The following LINGO2 variants were observed in gnomAD, a reference collection of about 807,000 sequenced individuals.
The protein encoded by LINGO2 is leucine-rich repeat and immunoglobulin-like domain-containing nogo receptor-interacting protein 2.
In LINGO2, 14 loss-of-function variants were observed where a neutral mutation model predicts 30.6. That is an observed-to-expected ratio of 0.46 (90% confidence interval 0.30 to 0.72). The LOEUF is 0.72. LINGO2 is among the 30% of genes least tolerant of loss of function. The probability of loss-of-function intolerance (pLI) is 0.07; values close to 1 mark genes in which losing one functional copy is unlikely to be tolerated. For synonymous variants in LINGO2, 317 were observed against 288.5 expected, an observed-to-expected ratio of 1.10 and a Z score of -1.00; for missense variants, 729 against 751.7, an observed-to-expected ratio of 0.97 and a Z score of 0.35.
At chr9:28,321,637 T>G (rs7860817) in intron 3 of LINGO2, among the ~76,000 whole-genome samples, 52,457 of 152,040 alleles carry the variant, frequency 0.35, 10,056 homozygotes, top group Non-Finnish European at 0.45. Context: ...AGCAGAGAAG[T>G]GCTATAATAG....
chr9:28,207,890 T>C (rs1024492628), intron 4 of LINGO2, among the ~76,000 whole-genome samples: 2 of 152,120 alleles, frequency 1.3e-5, no homozygotes, highest in African/African-American at 4.8e-5. Flanking sequence ...TTAAATGTTT[T>C]GCATGAAACT....
At chr9:28,733,252 TC>T in the LINGO2 span, among the ~76,000 whole-genome samples, 1 of 152,066 alleles carries the variant, frequency 6.6e-6, no homozygotes, top group Non-Finnish European at 1.5e-5. Flanking sequence ...AATTGACTAT[TC>T]CCAGCATTAT....
At chr9:28,425,864 G>T (rs1256768592) in intron 2 of LINGO2, among the ~76,000 whole-genome samples, 3 of 151,966 alleles carry the variant, frequency 2.0e-5, no homozygotes, top group African/African-American at 7.2e-5. Context: ...TTTTGAGTTT[G>T]ACTATATTTT....
chr9:28,966,992 C>A, the LINGO2 span, among the ~76,000 whole-genome samples: 1 of 152,036 alleles, frequency 6.6e-6, no homozygotes, highest in Non-Finnish European at 1.5e-5. Context: ...TGCTTATGAT[C>A]ATAATTACTC....
intron 3 of LINGO2, among the ~76,000 whole-genome samples, chr9:28,332,420 C>G (rs578197302): frequency 6.6e-6 from 1 of 152,180 alleles, no homozygotes; most frequent in Non-Finnish European, 1.5e-5. Context: ...GAAGTGAAAA[C>G]AGTAATGTAC....
the LINGO2 span, among the ~76,000 whole-genome samples, chr9:29,067,808 G>C: frequency 6.9e-6 from 1 of 145,586 alleles, no homozygotes; most frequent in Non-Finnish European, 1.5e-5. Flanking sequence ...AAGAAACAAA[G>C]GTCACATTGG....
intron 1 of LINGO2, among the ~76,000 whole-genome samples, chr9:28,592,870 G>C (rs1397461472): frequency 6.6e-6 from 1 of 152,028 alleles, no homozygotes; most frequent in Admixed American, 6.6e-5. Flanking sequence ...GATATCTTCT[G>C]TAGCCCTCTT....
At chr9:28,456,698 A>G (rs767030088) in intron 2 of LINGO2, among the ~76,000 whole-genome samples, 2 of 152,110 alleles carry the variant, frequency 1.3e-5, no homozygotes, top group Non-Finnish European at 2.9e-5. Flanking sequence ...TCTGACACGC[A>G]TGACACAAAC....
At chr9:28,489,943 G>T (rs1481939770) in intron 1 of LINGO2, among the ~76,000 whole-genome samples, 1 of 148,694 alleles carries the variant, frequency 6.7e-6, no homozygotes, top group Non-Finnish European at 1.5e-5. Flanking sequence ...AAGGCATATA[G>T]GTATGATTTA....
chr9:28,205,116 T>C (rs771040858), intron 4 of LINGO2, among the ~76,000 whole-genome samples: 3 of 152,224 alleles, frequency 2.0e-5, no homozygotes, highest in Non-Finnish European at 4.4e-5. Context: ...ATATGGAAAT[T>C]ATCAGGACCC....
the LINGO2 span, among the ~76,000 whole-genome samples, chr9:29,021,618 C>T: frequency 6.7e-6 from 1 of 149,998 alleles, no homozygotes; most frequent in African/African-American, 2.5e-5. Flanking sequence ...AATCGCTCCA[C>T]TGCACTCCAG....
At chr9:28,555,255 C>G (rs1217186787) in intron 1 of LINGO2, among the ~76,000 whole-genome samples, 1 of 141,790 alleles carries the variant, frequency 7.1e-6, no homozygotes, top group East Asian at 2.0e-4. Context: ...GCTAGCAAGA[C>G]TAATAGAGAA....
intron 4 of LINGO2, among the ~76,000 whole-genome samples, chr9:28,225,349 A>G (rs1821110591): frequency 6.6e-6 from 1 of 152,154 alleles, no homozygotes; most frequent in Non-Finnish European, 1.5e-5. Context: ...TATTTAAAGA[A>G]TATTTACAAA....
chr9:29,206,652 C>T, the LINGO2 span, among the ~76,000 whole-genome samples: 1 of 152,028 alleles, frequency 6.6e-6, no homozygotes, highest in Non-Finnish European at 1.5e-5. Context: ...TTTTGTATAG[C>T]CTTGGGAACA....
intron 4 of LINGO2, among the ~76,000 whole-genome samples, chr9:28,189,609 AAGGGAGGG>A (rs796099980): frequency 9.8e-4 from 3 of 3,064 alleles, no homozygotes; most frequent in Admixed American, 4.3e-3. Context: ...GGGAGGAAGG[AAGGGAGGG>A]AGGGAGGAAG....
At chr9:28,311,511 T>C (rs1824618982) in intron 3 of LINGO2, among the ~76,000 whole-genome samples, 1 of 152,146 alleles carries the variant, frequency 6.6e-6, no homozygotes, top group African/African-American at 2.4e-5. Context: ...GCAGCCATTT[T>C]AGAGGCCTAC....
the LINGO2 span, among the ~76,000 whole-genome samples, chr9:29,017,490 T>A: frequency 5.3e-5 from 8 of 152,012 alleles, no homozygotes; most frequent in Non-Finnish European, 1.2e-4. Context: ...AATAGCAATA[T>A]TAAAAATAAT....
At position 28,616,679 on chromosome 9, in the gene LINGO2, G is replaced by A. The variant is rs140996235; in HGVS notation, c.-365+53521C>T. 3.3e-4 allele frequency among the ~76,000 whole-genome samples: 51 copies of A among 152,308 alleles called. No homozygotes were observed. The East Asian group carries it at 9.5e-3, about 28-fold the overall frequency. ...AAAACAGACAGAACTGGAAAAAAAT[G>A]CACTGTTTTTAGCTGTGTGGACACT... On this transcript the variant is annotated intron_variant, in intron 1 of 5. Transcript: ENST00000379992.
chr9:28,573,486 A>G (rs1018252634), intron 1 of LINGO2, among the ~76,000 whole-genome samples: 1 of 152,156 alleles, frequency 6.6e-6, no homozygotes, highest in Non-Finnish European at 1.5e-5. Flanking sequence ...TTATGTTTTT[A>G]ATTAAACAAA....
Sources: gnomAD v4.1 joint callset for allele counts (sites outside exome capture counted in the v4.1 genomes callset) on GRCh38, gnomAD v4.1.1 for gene constraint, MANE v1.5 for transcripts, NCBI Gene and HGNC (gene_info 2026-07-23, HGNC 2026-07-21) for gene names.